SUGCT: variants seen among roughly 807,000 people sequenced by gnomAD.
SUGCT encodes the protein succinyl-CoA:glutarate CoA-transferase.
In SUGCT, 41 loss-of-function variants were observed where a neutral mutation model predicts 55.0. That is an observed-to-expected ratio of 0.74 (90% CI 0.58 to 0.97). The LOEUF (loss-of-function observed/expected upper bound fraction) is 0.97, where lower values mean the gene tolerates loss of function less well. Among genes scored for constraint, SUGCT ranks in the 50% least tolerant of loss-of-function variants. The pLI is 0.00. For synonymous variants in SUGCT, 187 were observed against 200.4 expected (o/e 0.93, Z 0.56); for missense variants, 568 against 547.8 (o/e 1.04, Z -0.37).
At chr7:40,695,870 T>C (rs1196686184) in intron 12 of SUGCT, among the ~76,000 whole-genome samples, 4 of 152,158 alleles carry the variant, frequency 2.6e-5, no homozygotes, top group African/African-American at 9.7e-5. Flanking sequence ...TTATCAGATG[T>C]CCCTGGAGGA....
At chr7:40,960,894 C>T in the SUGCT span, among the ~76,000 whole-genome samples, 1 of 152,172 alleles carries the variant, frequency 6.6e-6, no homozygotes, top group Non-Finnish European at 1.5e-5. Context: ...TGTTTGACAG[C>T]AGTCACACAC....
At chr7:40,180,836 G>A (rs553056400) in intron 1 of SUGCT, 111 bp from the exon 2 acceptor site, 319 of 819,198 alleles carry the variant, frequency 3.9e-4, no homozygotes, top group South Asian at 7.0e-4. Context: ...GGACTCCCTT[G>A]CTAAGAATCA....
Position 40,150,670 on chromosome 7 carries a change from C to A in SUGCT, c.100+15550C>A, listed in dbSNP as rs574726419. On this transcript the variant is annotated intron_variant, in intron 1 of 13. Coordinates refer to ENST00000335693, the MANE Select transcript of SUGCT (RefSeq NM_001193313.2). ...TGGGGAACAAGAGCGAAACTACACA[C>A]AACAAAACAAAACAAAACAAAACAA... Among the ~76,000 whole-genome samples the A allele has an allele frequency of 3.3e-5, 5 of 151,928 alleles. No individual in the cohort carries two copies. In the South Asian group the frequency reaches 8.3e-4, roughly 25 times the overall value.
At chr7:40,935,380 A>C in the SUGCT span, among the ~76,000 whole-genome samples, 2 of 152,174 alleles carry the variant, frequency 1.3e-5, no homozygotes, top group African/African-American at 2.4e-5. Flanking sequence ...AAGAAACTCC[A>C]TATCATTAGT....
At chr7:40,428,686 G>A (rs905877511) in intron 9 of SUGCT, among the ~76,000 whole-genome samples, 2 of 152,182 alleles carry the variant, frequency 1.3e-5, no homozygotes, top group Middle Eastern at 3.4e-3. Context: ...TTTATACTGT[G>A]TATCCATTAA....
At chr7:41,019,919 G>T in the SUGCT span, among the ~76,000 whole-genome samples, 4 of 152,112 alleles carry the variant, frequency 2.6e-5, no homozygotes, top group African/African-American at 4.8e-5. Flanking sequence ...TGGATATGAG[G>T]TACCTCCCCA....
At chr7:40,270,716 T>A (rs573736510) in intron 7 of SUGCT, among the ~76,000 whole-genome samples, 2 of 152,180 alleles carry the variant, frequency 1.3e-5, no homozygotes, top group Non-Finnish European at 2.9e-5. Flanking sequence ...TAGGATCAGA[T>A]TTTATTTCTG....
At chr7:40,443,632 T>A (rs1788642220) in intron 9 of SUGCT, among the ~76,000 whole-genome samples, 1 of 152,096 alleles carries the variant, frequency 6.6e-6, no homozygotes, top group South Asian at 2.1e-4. Flanking sequence ...GCCATTTGTG[T>A]GATGGGTAGA....
chr7:40,833,851 G>A (rs1368818796), intron 13 of SUGCT, among the ~76,000 whole-genome samples: 5 of 152,176 alleles, frequency 3.3e-5, no homozygotes, highest in Admixed American at 3.3e-4. Context: ...TTTGGTGACG[G>A]ACTGTGGTAA....
chr7:40,894,813 A>C, the SUGCT span, among the ~76,000 whole-genome samples: 1 of 152,214 alleles, frequency 6.6e-6, no homozygotes, highest in South Asian at 2.1e-4. Flanking sequence ...AGAAAATAAC[A>C]GATGCTGGTG....
intron 12 of SUGCT, among the ~76,000 whole-genome samples, chr7:40,592,041 A>G (rs1329780578): frequency 1.3e-5 from 2 of 152,170 alleles, no homozygotes; most frequent in African/African-American, 4.8e-5. Flanking sequence ...ATTTCTTGGC[A>G]CAAAATATAG....
At position 40,497,706 on chromosome 7, in the gene SUGCT, T is replaced by G. The variant is rs140781615; in HGVS notation, c.1089+1320T>G. 5.4e-3 allele frequency among the ~76,000 whole-genome samples: 819 copies of G among 152,250 alleles called. 13 individuals are homozygous for G. Among genetic ancestry groups the G allele is most frequent in the African/African-American group, 0.018 (764 of 41,548 alleles). ...GCCATCATTTGAAGCTGTCGTGTAT[T>G]GAGGTGTACGTAGAACTTCATGTTT... On this transcript the variant is annotated intron_variant, in intron 12 of 13. Transcript: ENST00000335693.
chr7:40,321,169 C>T (rs557897706), intron 9 of SUGCT, among the ~76,000 whole-genome samples: 5 of 146,942 alleles, frequency 3.4e-5, no homozygotes, highest in Admixed American at 2.1e-4. Context: ...TCTGCCTCCT[C>T]GGTTCAAGTG....
At chr7:40,564,916 G>A (rs1343185226) in intron 12 of SUGCT, among the ~76,000 whole-genome samples, 3 of 152,184 alleles carry the variant, frequency 2.0e-5, no homozygotes, top group Non-Finnish European at 4.4e-5. Context: ...TATGATCCTG[G>A]TCTAGGTAAA....
downstream of SUGCT, among the ~76,000 whole-genome samples, chr7:40,861,235 A>G (rs544799304): frequency 1.3e-5 from 2 of 152,356 alleles, no homozygotes. Context: ...GTGAAAATGC[A>G]ACAGGGTTTT....
intron 9 of SUGCT, among the ~76,000 whole-genome samples, chr7:40,333,887 T>A (rs1374758621): frequency 6.6e-6 from 1 of 151,336 alleles, no homozygotes; most frequent in East Asian, 1.9e-4. Flanking sequence ...TATCTCCTAG[T>A]GCTATCCCTC....
chr7:40,284,941 G>A (rs975895714), intron 8 of SUGCT, among the ~76,000 whole-genome samples: 13 of 152,106 alleles, frequency 8.5e-5, no homozygotes, highest in East Asian at 1.9e-4. Context: ...AAGTGAATTG[G>A]GAACATGCTC....
At chr7:40,516,662 G>T (rs1793251875) in intron 12 of SUGCT, among the ~76,000 whole-genome samples, 1 of 151,956 alleles carries the variant, frequency 6.6e-6, no homozygotes, top group South Asian at 2.1e-4. Flanking sequence ...TAAATGTGAG[G>T]GTTTATTTTG....
At chr7:40,942,346 A>G in the SUGCT span, among the ~76,000 whole-genome samples, 1 of 152,138 alleles carries the variant, frequency 6.6e-6, no homozygotes, top group African/African-American at 2.4e-5. Context: ...ATACAAAATT[A>G]TTGGCTGATA....
Sources: allele counts gnomAD v4.1 joint callset (sites outside exome capture counted in the v4.1 genomes callset), GRCh38; gene constraint gnomAD v4.1.1; transcripts MANE v1.5; gene names NCBI Gene and HGNC (gene_info 2026-07-23, HGNC 2026-07-21).